NTRK2: variants seen among roughly 807,000 people sequenced by gnomAD.
NTRK2 encodes the protein BDNF/NT-3 growth factors receptor.
A neutral mutation model predicts 94.5 loss-of-function variants in NTRK2; 13 were observed. The observed-to-expected ratio is 0.14, with a 90% CI of 0.09 to 0.22. The LOEUF is 0.22. Ranked by LOEUF, NTRK2 falls within the 10% of genes least tolerant of loss-of-function variation. NTRK2 has a pLI of 1.00. For missense variants in NTRK2, 639 were observed against 1,071.2 expected (o/e 0.60, Z 5.63); for synonymous variants, 372 against 407.4 (o/e 0.91, Z 1.05).
chr9:84,989,505 CA>C (rs1353665340), intron 17 of NTRK2, among the ~76,000 whole-genome samples: 1 of 152,172 alleles, frequency 6.6e-6, no homozygotes, highest in African/African-American at 2.4e-5. Flanking sequence ...CCAGTATTGG[CA>C]ATTAAATGAC....
At chr9:84,918,753 T>C (rs2132553772) in intron 14 of NTRK2, among the ~76,000 whole-genome samples, 1 of 152,368 alleles carries the variant, frequency 6.6e-6, no homozygotes. Flanking sequence ...TTCGTTCCGA[T>C]TATAAAATCA....
chr9:84,905,519 A>C (rs1001234034), intron 14 of NTRK2, among the ~76,000 whole-genome samples: 1 of 152,230 alleles, frequency 6.6e-6, no homozygotes, highest in Non-Finnish European at 1.5e-5. Context: ...GGTCACAAAC[A>C]ATCAATATTT....
chr9:84,769,302 C>T (rs2066312300), intron 12 of NTRK2, among the ~76,000 whole-genome samples: 1 of 152,136 alleles, frequency 6.6e-6, no homozygotes, highest in Non-Finnish European at 1.5e-5. Flanking sequence ...TTTCTATAAT[C>T]ATTCATAATA....
chr9:84,955,159 A>G, intron 16 of NTRK2, 124 bp from the exon 17 acceptor site: 1 of 776,266 alleles, frequency 1.3e-6, no homozygotes, highest in Non-Finnish European at 2.2e-6. Context: ...AGCATCTTTT[A>G]GCACCAGCAG....
chr9:84,713,515 A>G (rs190849155), intron 6 of NTRK2, among the ~76,000 whole-genome samples: 222 of 152,216 alleles, frequency 1.5e-3, no homozygotes, highest in African/African-American at 5.0e-3. Context: ...TGTATATCAT[A>G]GACTTTTGTG....
In NTRK2 at chr9:84,978,637, G is replaced by T. The variant is rs182987679; in HGVS notation, c.2172+23120G>T. Among the ~76,000 whole-genome samples, 38 of 152,284 alleles carry T rather than the reference G, an allele frequency of 2.5e-4. No homozygotes were observed. The East Asian group carries it at 5.8e-3, about 23-fold the overall frequency. On this transcript the variant is annotated intron_variant, in intron 17 of 18. Coordinates refer to ENST00000277120, the MANE Select transcript of NTRK2 (RefSeq NM_006180.6). ...GCTAAGATCATTCATGAAGGTGGCT[G>T]CACTAAACAACAGATTTTCAATGTA...
chr9:84,943,331 T>G (rs567803185), intron 15 of NTRK2, among the ~76,000 whole-genome samples: 1 of 152,342 alleles, frequency 6.6e-6, no homozygotes, highest in East Asian at 1.9e-4. Flanking sequence ...CTGAAGCATT[T>G]CATATGAATT....
At chr9:84,772,847 G>A (rs1041620652) in intron 12 of NTRK2, among the ~76,000 whole-genome samples, 1 of 152,204 alleles carries the variant, frequency 6.6e-6, no homozygotes, top group Middle Eastern at 3.2e-3. Context: ...TATTGATGGA[G>A]TGTAAGATAT....
chr9:84,690,449 T>G (rs1260886873), intron 2 of NTRK2, among the ~76,000 whole-genome samples: 1 of 152,162 alleles, frequency 6.6e-6, no homozygotes, highest in East Asian at 1.9e-4. Context: ...TCCAGGCGAA[T>G]CATTGGAGAT....
chr9:84,813,588 T>A, intron 12 of NTRK2: 1 of 1,065,776 alleles, frequency 9.4e-7, no homozygotes, highest in Non-Finnish European at 1.1e-6. Context: ...ACATGTCAAT[T>A]ACCTTTGCTC....
At chr9:84,736,091 T>A (rs558721398) in intron 9 of NTRK2, among the ~76,000 whole-genome samples, 1 of 152,322 alleles carries the variant, frequency 6.6e-6, no homozygotes, top group Non-Finnish European at 1.5e-5. Flanking sequence ...CCCAAGTGAT[T>A]TAACCCTTTG....
At chr9:84,778,826 G>A (rs985647612) in intron 12 of NTRK2, among the ~76,000 whole-genome samples, 10 of 152,164 alleles carry the variant, frequency 6.6e-5, no homozygotes, top group East Asian at 1.9e-4. Context: ...TGGTGTGTCC[G>A]TGCCTGTCAT....
At chr9:84,725,622 AATAT>A (rs10607553) in intron 8 of NTRK2, among the ~76,000 whole-genome samples, 1 of 147,432 alleles carries the variant, frequency 6.8e-6, no homozygotes, top group Non-Finnish European at 1.5e-5. Flanking sequence ...TATTTTGTGT[AATAT>A]ATATATATGT....
intron 12 of NTRK2, among the ~76,000 whole-genome samples, chr9:84,850,218 A>C (rs1443190171): frequency 6.6e-6 from 1 of 152,188 alleles, no homozygotes; most frequent in Non-Finnish European, 1.5e-5. Context: ...GGAAAAAAAA[A>C]ACAAAAAAAC....
intron 13 of NTRK2, among the ~76,000 whole-genome samples, chr9:84,866,465 C>T (rs758023552): frequency 2.6e-5 from 4 of 152,124 alleles, no homozygotes; most frequent in Non-Finnish European, 4.4e-5. Context: ...CTGAAATTCC[C>T]AGAACAACTT....
intron 14 of NTRK2, among the ~76,000 whole-genome samples, chr9:84,927,431 G>A (rs570118885): frequency 6.1e-4 from 93 of 152,234 alleles, no homozygotes; most frequent in African/African-American, 2.2e-3. Flanking sequence ...TAGGTTATAA[G>A]GTCCTTGAAG....
chr9:84,899,872 A>G (rs943940504), intron 14 of NTRK2, among the ~76,000 whole-genome samples: 7 of 152,186 alleles, frequency 4.6e-5, no homozygotes, highest in African/African-American at 1.7e-4. Flanking sequence ...CTAGTTCCCT[A>G]TGGGGTGGAC....
intron 17 of NTRK2, among the ~76,000 whole-genome samples, chr9:84,957,279 A>T (rs1448167923): frequency 1.3e-5 from 2 of 152,208 alleles, no homozygotes; most frequent in Non-Finnish European, 2.9e-5. Flanking sequence ...TTTTCCACCT[A>T]ATTATTACCC....
intron 17 of NTRK2, among the ~76,000 whole-genome samples, chr9:84,958,577 C>T (rs368727804): frequency 2.0e-5 from 3 of 152,116 alleles, no homozygotes; most frequent in Non-Finnish European, 2.9e-5. Context: ...GGCCACTACT[C>T]GGTTGCAGTT....
Sources: allele counts gnomAD v4.1 joint callset (sites outside exome capture counted in the v4.1 genomes callset), GRCh38; gene constraint gnomAD v4.1.1; transcripts MANE v1.5; gene names NCBI Gene and HGNC (gene_info 2026-07-23, HGNC 2026-07-21).